MAJIN: variants seen among roughly 807,000 people sequenced by gnomAD.
MAJIN encodes membrane anchored junction protein.
A neutral mutation model predicts 30.2 loss-of-function variants in MAJIN; 27 were observed. The observed-to-expected ratio is 0.89, with a 90% CI of 0.66 to 1.23. The LOEUF is 1.23. Ranked by LOEUF, MAJIN falls within the 50% of genes most tolerant of loss-of-function variation. The pLI is 0.00. For synonymous variants in MAJIN, 78 were observed against 91.6 expected (o/e 0.85, Z 0.85); for missense variants, 253 against 260.3 (o/e 0.97, Z 0.19).
At chr11:64,955,493 C>G (rs1039938202) in intron 3 of MAJIN, among the ~76,000 whole-genome samples, 8 of 152,202 alleles carry the variant, frequency 5.3e-5, no homozygotes, top group African/African-American at 1.7e-4. Context: ...ACTGAACTGT[C>G]TGCTTTTCTT....
In MAJIN at chr11:64,953,619, C is replaced by T. The variant is rs550126430; in HGVS notation, c.147+1138G>A. On this transcript the variant is annotated intron_variant, in intron 4 of 10. Transcript: ENST00000301896. ...CATCCTGGCCAACATGATGAAACCC[C>T]GTCTCTACTAAAAATACAAAAATTA... 1.7e-3 allele frequency among the ~76,000 whole-genome samples: 256 copies of T among 152,210 alleles called. 1 individual carries two copies. Among genetic ancestry groups the T allele is most frequent in the Non-Finnish European group, 2.2e-3 (152 of 68,004 alleles).
At chr11:64,949,707 C>T in intron 6 of MAJIN, 36 bp downstream of exon 6, 1 of 1,607,652 alleles carries the variant, frequency 6.2e-7, no homozygotes, top group Non-Finnish European at 8.5e-7. Context: ...AAACCATTTT[C>T]TTCTCTGCCA....
chr11:64,943,586 G>A (rs1339598036), intron 8 of MAJIN, among the ~76,000 whole-genome samples: 1 of 152,196 alleles, frequency 6.6e-6, no homozygotes, highest in Non-Finnish European at 1.5e-5. Context: ...TAATTTAGGA[G>A]AAATCATCTT....
chr11:64,939,614 C>T lies in MAJIN; in HGVS notation c.*1+48G>A, dbSNP rs767940494. The T allele has an allele frequency of 2.0e-5, 31 of 1,515,574 alleles. No homozygotes were observed. The Admixed American group carries it at 2.2e-4, about 11-fold the overall frequency. The allele number at this position is 1,515,574 out of a possible 1,614,324, so 93.9% of individuals were successfully genotyped here. On this transcript the variant is annotated intron_variant, in intron 10 of 10. Transcript: ENST00000301896. ...AATTTCCCTGAAAGACTCAATGAGC[C>T]GCTCTGAGCTGGATCTCGAGTCTGA... is the stretch of plus-strand genomic sequence containing the variant.
intron 2 of MAJIN, 22 bp from the exon 3 acceptor site, chr11:64,959,444 T>A (rs759496719): frequency 6.4e-7 from 1 of 1,566,700 alleles, no homozygotes; most frequent in Admixed American, 1.7e-5. Context: ...AGAAAGAGAA[T>A]TACTAAAAAG....
At position 64,939,693 on chromosome 11, in the gene MAJIN, G is replaced by A. The variant is rs1285267701; in HGVS notation, c.621C>T (p.Ser207=). 2.5e-6 allele frequency: 4 copies of A among 1,613,830 alleles called. No individual in the cohort carries two copies. Among genetic ancestry groups the A allele is most frequent in the African/African-American group, 2.7e-5 (2 of 74,902 alleles). ...AACCCAAAGAAGCCGGTGGCTGCTC[G>A]CTCCTTAGGTGGAGGTGAGTTGTGC... ...PCSTTHLHLR[S]EQPPASLGF Residue 207 remains serine (S), a synonymous_variant, in exon 10 of 11, where the codon AGC becomes AGT. Coordinates refer to ENST00000301896, the MANE Select transcript of MAJIN (RefSeq NM_001037225.3).
intron 10 of MAJIN, among the ~76,000 whole-genome samples, chr11:64,939,390 C>A (rs1003324316): frequency 6.6e-6 from 1 of 152,184 alleles, no homozygotes; most frequent in African/African-American, 2.4e-5. Context: ...ATGAGCCACC[C>A]GGCCTGGCCC....
intron 8 of MAJIN, among the ~76,000 whole-genome samples, chr11:64,941,287 A>G (rs1945375463): frequency 6.6e-6 from 1 of 152,124 alleles, no homozygotes; most frequent in Non-Finnish European, 1.5e-5. Flanking sequence ...CTGAGGTTTC[A>G]GAAATCAGGA....
chr11:64,939,955 G>A, intron 9 of MAJIN, 188 bp from the exon 10 acceptor site: 1 of 499,906 alleles, frequency 2.0e-6, no homozygotes, highest in South Asian at 2.5e-5. Context: ...TCTGACCTCA[G>A]AGTATTTTCA....
Position 64,963,733 on chromosome 11 carries a change from G to A in MAJIN, c.-64-3598C>T, listed in dbSNP as rs148229499. Among the ~76,000 whole-genome samples, 741 of 152,258 alleles carry A rather than the reference G, an allele frequency of 4.9e-3. 6 individuals are homozygous for A. Among genetic ancestry groups the A allele is most frequent in the African/African-American group, 0.016 (659 of 41,526 alleles). ...GGCACCTGTAATCCCAGCTACTTGG[G>A]AGACTGAGGCAAGAGAATCGCTTGA... On this transcript the variant is annotated intron_variant, in intron 1 of 10. Transcript: ENST00000301896.
intron 1 of MAJIN, among the ~76,000 whole-genome samples, chr11:64,969,801 C>T (rs200593441): frequency 6.6e-6 from 1 of 152,056 alleles, no homozygotes; most frequent in East Asian, 1.9e-4. Context: ...AGCGATTCTC[C>T]TCCCTCAGTA....
In MAJIN at chr11:64,938,556, C is replaced by A; in HGVS notation, c.*19G>T. The stretch of plus-strand genomic sequence containing the variant: ...GTGGCTGCTCTTCCTGAAGAAATAT[C>A]GAAACGGGAAGAGAGAGCTGCAAGA... On this transcript the variant is annotated 3_prime_UTR_variant, in exon 11 of 11. Coordinates refer to ENST00000301896, the MANE Select transcript of MAJIN (RefSeq NM_001037225.3). 1 of 1,535,778 alleles carries A rather than the reference C, an allele frequency of 6.5e-7. No homozygotes were observed.
At chr11:64,940,792 TTCTTTCC>T in intron 8 of MAJIN, 146 bp from the exon 9 acceptor site, 1 of 641,534 alleles carries the variant, frequency 1.6e-6, no homozygotes, top group South Asian at 2.0e-5. Flanking sequence ...TTCTTTCCAT[TTCTTTCC>T]ATAGGACTGT....
chr11:64,954,476 C>T (rs761045971), intron 4 of MAJIN: 3 of 507,172 alleles, frequency 5.9e-6, no homozygotes, highest in African/African-American at 1.9e-5. Context: ...TTCTCTATGC[C>T]AGCTGCAACA....
chr11:64,956,273 C>CG (rs1945629997), intron 3 of MAJIN, among the ~76,000 whole-genome samples: 1 of 150,828 alleles, frequency 6.6e-6, no homozygotes, highest in African/African-American at 2.4e-5. Flanking sequence ...CACTCCAGCC[C>CG]GGGCAACAAG....
intron 1 of MAJIN, among the ~76,000 whole-genome samples, chr11:64,965,948 T>A (rs1218353318): frequency 7.0e-6 from 1 of 143,130 alleles, no homozygotes; most frequent in African/African-American, 2.6e-5. Flanking sequence ...AGAGCGAGAC[T>A]CTGTCTCAAA....
In MAJIN at chr11:64,938,358, CTA is replaced by C. The variant is rs1218792112; in HGVS notation, c.*215_*216del. ...AATGTTTTAAATTGGGGGAAAAAAT[CTA>C]TTATAAAGGGGCAAAGGACACGATA... On this transcript the variant is annotated 3_prime_UTR_variant, in exon 11 of 11. Transcript: ENST00000301896. 3 of 669,348 alleles carry C rather than the reference CTA, an allele frequency of 4.5e-6. No individual in the cohort carries two copies. Among genetic ancestry groups the C allele is most frequent in the Non-Finnish European group, 4.8e-6 (2 of 412,876 alleles). 41.5% of individuals were successfully genotyped at this position (669,348 alleles called of 1,614,324 possible).
intron 8 of MAJIN, among the ~76,000 whole-genome samples, chr11:64,946,900 A>T (rs1393077304): frequency 6.6e-6 from 1 of 152,176 alleles, no homozygotes; most frequent in Non-Finnish European, 1.5e-5. Context: ...CCAATGATTG[A>T]TACATACCCT....
At chr11:64,953,185 A>G (rs986837011) in intron 4 of MAJIN, among the ~76,000 whole-genome samples, 2 of 152,186 alleles carry the variant, frequency 1.3e-5, no homozygotes, top group African/African-American at 4.8e-5. Flanking sequence ...GCAGACATCT[A>G]TTTCTAATCC....
Sources: gnomAD v4.1 joint callset for allele counts (sites outside exome capture counted in the v4.1 genomes callset) on GRCh38, gnomAD v4.1.1 for gene constraint, MANE v1.5 for transcripts, NCBI Gene and HGNC (gene_info 2026-07-23, HGNC 2026-07-21) for gene names.